BCAS1: variants seen among roughly 807,000 people sequenced by gnomAD.
BCAS1 encodes breast carcinoma-amplified sequence 1.
BCAS1 carries 46 observed loss-of-function variants against 65.4 expected under a neutral mutation model. That is an observed-to-expected ratio of 0.70 (90% CI 0.55 to 0.90). BCAS1 has a LOEUF of 0.90. Ranked by LOEUF, BCAS1 falls within the 40% of genes least tolerant of loss-of-function variation. The pLI, the probability that BCAS1 is intolerant of heterozygous loss-of-function variation, is 0.00. For synonymous variants in BCAS1, 298 were observed against 293.5 expected, an observed-to-expected ratio of 1.02 and a Z score of -0.16; for missense variants, 793 against 771.2, an observed-to-expected ratio of 1.03 and a Z score of -0.33.
chr20:53,953,628 C>T lies in BCAS1; in HGVS notation c.1619G>A (p.Gly540Asp), dbSNP rs1224305029. 18 of 1,613,770 alleles carry T rather than the reference C, an allele frequency of 1.1e-5. No individual in the cohort carries two copies. Among genetic ancestry groups the T allele is most frequent in the Non-Finnish European group, 1.4e-5 (17 of 1,179,998 alleles). The change falls in exon 12 of 13, where the codon GGT (glycine) becomes GAT (aspartate). Residue 540 changes from glycine to aspartate, a missense_variant. Transcript: ENST00000688948. ...CTTGTCCTTCGAGGAGCCCTCTTTACCCTTCTGTGGTGCTCCTGTTGGTTC... is the reference window on the plus strand; with the variant it reads ...CTTGTCCTTCGAGGAGCCCTCTTTATCCTTCTGTGGTGCTCCTGTTGGTTC... ...EPEPTGAPQK[G>D]KEGSSKDKKS...
intron 3 of BCAS1, among the ~76,000 whole-genome samples, chr20:54,034,587 G>A (rs930239540): frequency 6.6e-6 from 1 of 151,122 alleles, no homozygotes; most frequent in South Asian, 2.1e-4. Context: ...GGAGGTGAAA[G>A]ATCTCTACAA....
At chr20:54,015,220 T>C (rs455719) in intron 4 of BCAS1, among the ~76,000 whole-genome samples, 51,332 of 151,686 alleles carry the variant, frequency 0.34, 9,002 homozygotes, top group East Asian at 0.66. Flanking sequence ...TCAGTAGAGA[T>C]GGGGTTTCAC....
At chr20:54,054,327 A>G (rs1211055257) in intron 3 of BCAS1, among the ~76,000 whole-genome samples, 1 of 152,188 alleles carries the variant, frequency 6.6e-6, no homozygotes, top group Non-Finnish European at 1.5e-5. Context: ...GAAACCAAAC[A>G]GTCAACTAGA....
intron 8 of BCAS1, among the ~76,000 whole-genome samples, chr20:53,982,184 C>T (rs895676954): frequency 6.6e-6 from 1 of 152,092 alleles, no homozygotes; most frequent in Non-Finnish European, 1.5e-5. Context: ...TTGCCATACA[C>T]AAGAATTATC....
intron 8 of BCAS1, among the ~76,000 whole-genome samples, chr20:53,983,238 G>C (rs2090526151): frequency 6.6e-6 from 1 of 152,160 alleles, no homozygotes; most frequent in Non-Finnish European, 1.5e-5. Flanking sequence ...AAAGACGTCG[G>C]CCTGGTTAGT....
At chr20:53,993,168 T>C (rs8124068) in intron 6 of BCAS1, among the ~76,000 whole-genome samples, 25,684 of 152,170 alleles carry the variant, frequency 0.17, 2,196 homozygotes, top group Middle Eastern at 0.21. Context: ...CACTTCTAGA[T>C]GGGTAGACCC....
chr20:53,975,019 T>C, intron 9 of BCAS1, among the ~76,000 whole-genome samples: 1 of 152,096 alleles, frequency 6.6e-6, no homozygotes, highest in South Asian at 2.1e-4. Flanking sequence ...AGAAGCTGGA[T>C]CACCATGGAA....
rs73622298 is a variant in BCAS1 at position 54,047,793 on chromosome 20, C to T, written c.142+10292G>A. Reference sequence around the variant, plus strand: ...GAAAGTACACTCCACAGAGTGGGAGCAGGTTTGAGCAAGTGGCTCAAGAGT... The same window carrying T: ...GAAAGTACACTCCACAGAGTGGGAGTAGGTTTGAGCAAGTGGCTCAAGAGT... On this transcript the variant is annotated intron_variant, in intron 3 of 12. Transcript: ENST00000688948. Among the ~76,000 whole-genome samples, 5 of 152,306 alleles carry T rather than the reference C, an allele frequency of 3.3e-5. No homozygotes were observed. In the East Asian group the frequency reaches 9.6e-4, roughly 29 times the overall value.
intron 12 of BCAS1, among the ~76,000 whole-genome samples, chr20:53,946,532 T>G (rs542520030): frequency 6.2e-5 from 9 of 145,968 alleles, no homozygotes; most frequent in African/African-American, 1.5e-4. Flanking sequence ...CACACACACA[T>G]AGAGAGAGTA....
rs186531162 is a variant in BCAS1, at chr20:53,952,122, T to C, written c.1815+1310A>G. Among the ~76,000 whole-genome samples, 67 of 152,380 alleles carry C rather than the reference T, an allele frequency of 4.4e-4. No individual in the cohort carries two copies. The East Asian group carries it at 0.01, about 23-fold the overall frequency. ...TGCAAGTAGAAATTGTTAAGTGTGG[T>C]TAAAGTTGAGTACAATGTTTTATCG... On this transcript the variant is annotated intron_variant, in intron 12 of 12. Transcript: ENST00000688948.
At chr20:54,026,247 T>G (rs1222536274) in intron 4 of BCAS1, among the ~76,000 whole-genome samples, 1 of 152,224 alleles carries the variant, frequency 6.6e-6, no homozygotes, top group Non-Finnish European at 1.5e-5. Flanking sequence ...ACCTGCCATG[T>G]TCCTAACACA....
At chr20:54,019,098 G>A (rs1254784634) in intron 4 of BCAS1, among the ~76,000 whole-genome samples, 2 of 152,138 alleles carry the variant, frequency 1.3e-5, no homozygotes, top group East Asian at 3.8e-4. Context: ...CTGGCTAGAG[G>A]CCTTCTACAG....
intron 1 of BCAS1, among the ~76,000 whole-genome samples, chr20:54,066,270 C>T (rs963994188): frequency 7.2e-5 from 11 of 152,178 alleles, no homozygotes; most frequent in African/African-American, 2.7e-4. Context: ...GACGGGGTTT[C>T]CCCGTGTTAG....
rs979711009 is a variant in BCAS1, at chr20:53,944,804, G to A, written c.*118C>T. 1 of 988,850 alleles carries A rather than the reference G, an allele frequency of 1.0e-6. No individual in the cohort carries two copies. Among genetic ancestry groups the A allele is most frequent in the Non-Finnish European group, 1.6e-6 (1 of 615,838 alleles). 61.3% of individuals were successfully genotyped at this position (988,850 alleles called of 1,614,324 possible). ...ACAGCTCGGGCTTAATTTCTAGGCA[G>A]AATTTCATTTGCTGGCCATCAGAAG... On this transcript the variant is annotated 3_prime_UTR_variant, in exon 13 of 13. Transcript: ENST00000688948.
chr20:53,946,924 G>A (rs1197898959), intron 12 of BCAS1, among the ~76,000 whole-genome samples: 2 of 151,898 alleles, frequency 1.3e-5, no homozygotes, highest in Admixed American at 1.3e-4. Context: ...TATATAGAGT[G>A]TATTATAGCA....
At chr20:53,975,976 C>T (rs1045732373) in intron 8 of BCAS1, among the ~76,000 whole-genome samples, 1 of 152,184 alleles carries the variant, frequency 6.6e-6, no homozygotes, top group African/African-American at 2.4e-5. Context: ...TTTCGTCAGC[C>T]CTCAGTCTAG....
chr20:53,985,918 T>A (rs886806245), intron 7 of BCAS1, among the ~76,000 whole-genome samples: 1 of 152,208 alleles, frequency 6.6e-6, no homozygotes, highest in Admixed American at 6.5e-5. Context: ...TAAACATGCA[T>A]CATCTTACTG....
intron 9 of BCAS1, among the ~76,000 whole-genome samples, chr20:53,970,310 T>G (rs1234439498): frequency 1.3e-5 from 2 of 152,162 alleles, no homozygotes; most frequent in African/African-American, 4.8e-5. Flanking sequence ...TTCTGGAGAC[T>G]TCCACTACCT....
chr20:54,050,550 C>G (rs2092193149), intron 3 of BCAS1, among the ~76,000 whole-genome samples: 1 of 152,176 alleles, frequency 6.6e-6, no homozygotes. Flanking sequence ...ACGTATAGAG[C>G]ACAGATACAG....
Sources: allele counts gnomAD v4.1 joint callset (sites outside exome capture counted in the v4.1 genomes callset), GRCh38; gene constraint gnomAD v4.1.1; transcripts MANE v1.5; gene names NCBI Gene and HGNC (gene_info 2026-07-23, HGNC 2026-07-21).